Variants in NRXN3 observed in about 807,000 individuals in gnomAD.
NRXN3 encodes the protein neurexin III.
A neutral mutation model predicts 137.6 loss-of-function variants in NRXN3; 32 were observed. That is an observed-to-expected ratio of 0.23 (90% confidence interval 0.18 to 0.31). The LOEUF (loss-of-function observed/expected upper bound fraction) is 0.31, where lower values mean the gene tolerates loss of function less well. Ranked by LOEUF, NRXN3 falls within the 10% of genes least tolerant of loss-of-function variation. The pLI is 1.00. For missense variants in NRXN3, 1,574 were observed against 2,062.5 expected (o/e 0.76, Z 4.59); for synonymous variants, 798 against 784.5 (o/e 1.02, Z -0.29).
chr14:79,189,619 G>A (rs748243345), intron 15 of NRXN3, among the ~76,000 whole-genome samples: 15 of 151,784 alleles, frequency 9.9e-5, no homozygotes, highest in Admixed American at 2.0e-4. Context: ...AGTTCAAGTC[G>A]TCTAGAGACG....
At position 79,181,288 on chromosome 14, in the gene NRXN3, G is replaced by A. The variant is rs886705267; in HGVS notation, c.3262+193147G>A. Among the ~76,000 whole-genome samples, 4 of 152,072 alleles carry A rather than the reference G, an allele frequency of 2.6e-5. No homozygotes were observed. The South Asian group carries it at 8.3e-4, about 31-fold the overall frequency. On this transcript the variant is annotated intron_variant, in intron 15 of 20. Coordinates refer to ENST00000335750, the MANE Select transcript of NRXN3 (RefSeq NM_001330195.2). Reference sequence around the variant, plus strand: ...ACAACATTTTATTTCCCTGGACTATGTGAAGTATATAGTAGATATTTAGGA... The same window carrying A: ...ACAACATTTTATTTCCCTGGACTATATGAAGTATATAGTAGATATTTAGGA...
At chr14:78,728,855 C>T (rs140590383) in intron 8 of NRXN3, among the ~76,000 whole-genome samples, 237 of 152,260 alleles carry the variant, frequency 1.6e-3, no homozygotes, top group African/African-American at 5.5e-3. Flanking sequence ...GCTGAGACTG[C>T]ACCACTGCAC....
intron 18 of NRXN3, among the ~76,000 whole-genome samples, chr14:79,692,717 A>C (rs997282217): frequency 2.0e-5 from 3 of 152,028 alleles, no homozygotes; most frequent in Non-Finnish European, 4.4e-5. Flanking sequence ...CAAACAAAAA[A>C]CCATAGATTG....
intron 15 of NRXN3, among the ~76,000 whole-genome samples, chr14:79,416,017 A>T (rs1599949877): frequency 6.6e-6 from 1 of 152,240 alleles, no homozygotes; most frequent in South Asian, 2.1e-4. Flanking sequence ...TGGGTAGAGG[A>T]GGCAGCATAT....
chr14:79,455,144 T>TGG (rs1305229571), intron 15 of NRXN3, among the ~76,000 whole-genome samples: 1 of 152,224 alleles, frequency 6.6e-6, no homozygotes, highest in Non-Finnish European at 1.5e-5. Flanking sequence ...TTCATAGTTC[T>TGG]GGCGGCTGAG....
At chr14:78,459,209 T>A (rs916660756) in intron 4 of NRXN3, among the ~76,000 whole-genome samples, 3 of 152,172 alleles carry the variant, frequency 2.0e-5, no homozygotes, top group Admixed American at 1.3e-4. Context: ...ATATGAACTG[T>A]GAGTAGGGCA....
intron 4 of NRXN3, among the ~76,000 whole-genome samples, chr14:78,550,396 A>G (rs929600781): frequency 6.6e-6 from 1 of 152,004 alleles, no homozygotes; most frequent in African/African-American, 2.4e-5. Context: ...ACTTCTCCCC[A>G]ATGAACCCAT....
chr14:78,871,059 T>C (rs971952095), intron 10 of NRXN3, among the ~76,000 whole-genome samples: 1 of 149,062 alleles, frequency 6.7e-6, no homozygotes, highest in Non-Finnish European at 1.5e-5. Flanking sequence ...ACTGATTTCC[T>C]TTCTTTTGGA....
intron 3 of NRXN3, among the ~76,000 whole-genome samples, chr14:78,296,218 C>T (rs111251707): frequency 6.0e-4 from 91 of 152,088 alleles, no homozygotes; most frequent in African/African-American, 2.1e-3. Flanking sequence ...TGCACCACCA[C>T]CCACAGTTAA....
chr14:79,544,793 A>C lies in NRXN3; in HGVS notation c.3444+77391A>C, dbSNP rs527238245. Among the ~76,000 whole-genome samples, 5 of 152,322 alleles carry C rather than the reference A, an allele frequency of 3.3e-5. No individual in the cohort carries two copies. The South Asian group carries it at 1.0e-3, about 32-fold the overall frequency. ...TCACCTGGCAACTTGTTACAAACGC[A>C]TATTGTTGATTCTCATTCCACAACT... On this transcript the variant is annotated intron_variant, in intron 16 of 20. Transcript: ENST00000335750.
chr14:78,525,414 T>A (rs1220433574), intron 4 of NRXN3, among the ~76,000 whole-genome samples: 1 of 152,222 alleles, frequency 6.6e-6, no homozygotes, highest in Non-Finnish European at 1.5e-5. Context: ...AAGGTTCCTT[T>A]ATAAGCTTGA....
chr14:79,359,647 T>G (rs1599139891), intron 15 of NRXN3, among the ~76,000 whole-genome samples: 1 of 151,062 alleles, frequency 6.6e-6, no homozygotes, highest in South Asian at 2.1e-4. Flanking sequence ...CTTGGCTCAC[T>G]GCAACCTCTT....
chr14:79,705,446 C>CTTAGA (rs1289016842), intron 19 of NRXN3, among the ~76,000 whole-genome samples: 1 of 152,128 alleles, frequency 6.6e-6, no homozygotes, highest in African/African-American at 2.4e-5. Flanking sequence ...CAATTGCAAG[C>CTTAGA]TTAGATTTTC....
intron 10 of NRXN3, among the ~76,000 whole-genome samples, chr14:78,881,589 T>C (rs2152650449): frequency 1.3e-5 from 2 of 151,658 alleles, no homozygotes; most frequent in Middle Eastern, 6.8e-3. Flanking sequence ...AGAGAGATGA[T>C]TTAGGGTATC....
chr14:78,570,668 GC>G (rs1340329337), intron 4 of NRXN3, among the ~76,000 whole-genome samples: 1 of 152,316 alleles, frequency 6.6e-6, no homozygotes, highest in East Asian at 1.9e-4. Context: ...CTGGTCAAGG[GC>G]TATGTTGAGT....
At chr14:79,234,496 C>T (rs567721358) in intron 15 of NRXN3, among the ~76,000 whole-genome samples, 132 of 150,062 alleles carry the variant, frequency 8.8e-4, no homozygotes, top group Non-Finnish European at 1.4e-3. Flanking sequence ...GCCATTCTCC[C>T]GCCTCAGCCT....
intron 15 of NRXN3, among the ~76,000 whole-genome samples, chr14:79,014,902 G>A (rs1432790169): frequency 6.6e-6 from 1 of 152,104 alleles, no homozygotes; most frequent in Non-Finnish European, 1.5e-5. Flanking sequence ...ACTCATTTAA[G>A]TTCGCTTTTC....
intron 4 of NRXN3, among the ~76,000 whole-genome samples, chr14:78,620,340 C>A (rs552716491): frequency 6.6e-6 from 1 of 152,190 alleles, no homozygotes; most frequent in Non-Finnish European, 1.5e-5. Context: ...TAGCTGCATG[C>A]AGATAATGTG....
chr14:79,808,600 A>T (rs781190045), intron 20 of NRXN3, among the ~76,000 whole-genome samples: 3 of 151,968 alleles, frequency 2.0e-5, no homozygotes, highest in Admixed American at 6.6e-5. Context: ...CATACTTACT[A>T]CTTTATCTTC....
Sources: gnomAD v4.1 joint callset for allele counts (sites outside exome capture counted in the v4.1 genomes callset) on GRCh38, gnomAD v4.1.1 for gene constraint, MANE v1.5 for transcripts, NCBI Gene and HGNC (gene_info 2026-07-23, HGNC 2026-07-21) for gene names.